The following CALN1 variants were observed in gnomAD, a reference collection of about 807,000 sequenced individuals.
CALN1 encodes the protein calcium-binding protein 8.
A neutral mutation model predicts 30.6 loss-of-function variants in CALN1; 17 were observed. The observed-to-expected ratio is 0.56, with a 90% CI of 0.38 to 0.83. The LOEUF (loss-of-function observed/expected upper bound fraction) is 0.83, where lower values mean the gene tolerates loss of function less well. Among genes scored for constraint, CALN1 ranks in the 40% least tolerant of loss-of-function variants. The pLI is 0.00. For synonymous variants in CALN1, 156 were observed against 131.4 expected, an observed-to-expected ratio of 1.19 and a Z score of -1.28; for missense variants, 291 against 354.9, an observed-to-expected ratio of 0.82 and a Z score of 1.45.
At chr7:72,341,325 C>T (rs1802372923) in intron 2 of CALN1, among the ~76,000 whole-genome samples, 1 of 152,140 alleles carries the variant, frequency 6.6e-6, no homozygotes, top group African/African-American at 2.4e-5. Flanking sequence ...GGGTTCGACA[C>T]CAGCCTGGCC....
chr7:72,228,362 C>A (rs1377026614), intron 3 of CALN1, among the ~76,000 whole-genome samples: 1 of 151,660 alleles, frequency 6.6e-6, no homozygotes, highest in East Asian at 1.9e-4. Context: ...GTCTGGCTTC[C>A]CCACTGGGTT....
At chr7:72,077,689 A>T (rs1342864865) in intron 4 of CALN1, among the ~76,000 whole-genome samples, 2 of 152,192 alleles carry the variant, frequency 1.3e-5, no homozygotes, top group Non-Finnish European at 2.9e-5. Flanking sequence ...GCAAACCAGG[A>T]TCTCACACAG....
At chr7:72,042,028 C>G (rs1002728464) in intron 4 of CALN1, among the ~76,000 whole-genome samples, 1 of 152,170 alleles carries the variant, frequency 6.6e-6, no homozygotes, top group Non-Finnish European at 1.5e-5. Flanking sequence ...CAAACTAATA[C>G]AGAGTAGCAA....
chr7:71,853,929 G>A (rs184250220), intron 5 of CALN1, among the ~76,000 whole-genome samples: 24 of 152,154 alleles, frequency 1.6e-4, no homozygotes, highest in Admixed American at 1.5e-3. Flanking sequence ...TTAATGGTTC[G>A]TGATTTTCAT....
chr7:72,410,220 G>A lies in CALN1; in HGVS notation c.-74+1838C>T, dbSNP rs181656392. 2.3e-4 allele frequency among the ~76,000 whole-genome samples: 35 copies of A among 152,308 alleles called. 1 individual carries two copies. The highest frequency in any genetic ancestry group is 3.4e-3 in the Middle Eastern group (1 of 294). The stretch of plus-strand genomic sequence containing the variant: ...GCCTGGAGCTCTTAAATATGTAAGA[G>A]AGGTTGTCAAATCTACTTAACTGCT... On this transcript the variant is annotated intron_variant, in intron 1 of 6. Coordinates refer to ENST00000395275, the MANE Select transcript of CALN1 (RefSeq NM_031468.4).
chr7:71,885,160 T>G (rs1792824127), intron 5 of CALN1, among the ~76,000 whole-genome samples: 1 of 152,186 alleles, frequency 6.6e-6, no homozygotes, highest in African/African-American at 2.4e-5. Flanking sequence ...ATTTCTTTTT[T>G]CTTTTTTTTG....
At chr7:71,984,906 C>T (rs1203922857) in intron 5 of CALN1, among the ~76,000 whole-genome samples, 3 of 152,178 alleles carry the variant, frequency 2.0e-5, no homozygotes, top group African/African-American at 7.2e-5. Context: ...TCATTCATTA[C>T]TGCCCAGATT....
At chr7:72,079,534 A>C (rs1419927365) in intron 4 of CALN1, among the ~76,000 whole-genome samples, 2 of 152,154 alleles carry the variant, frequency 1.3e-5, no homozygotes, top group Non-Finnish European at 2.9e-5. Flanking sequence ...AAGTAATGGC[A>C]AAAACCGCAA....
At chr7:72,292,770 G>C (rs147402685) in intron 2 of CALN1, among the ~76,000 whole-genome samples, 3 of 136,680 alleles carry the variant, frequency 2.2e-5, no homozygotes, top group Admixed American at 8.0e-5. Context: ...ACAGTGAGCC[G>C]AGATCGCGCC....
intron 5 of CALN1, among the ~76,000 whole-genome samples, chr7:71,943,955 G>GGTA (rs1796268133): frequency 6.6e-6 from 1 of 152,144 alleles, no homozygotes; most frequent in Non-Finnish European, 1.5e-5. Context: ...ATGGGCTTAT[G>GGTA]GTAAGGGTGT....
intron 5 of CALN1, among the ~76,000 whole-genome samples, chr7:71,895,982 A>G (rs1281269469): frequency 6.6e-6 from 1 of 152,202 alleles, no homozygotes; most frequent in Non-Finnish European, 1.5e-5. Flanking sequence ...AAGTATCTTA[A>G]TGTGCTTATT....
At chr7:72,143,787 C>T (rs1810137318) in intron 3 of CALN1, among the ~76,000 whole-genome samples, 1 of 152,208 alleles carries the variant, frequency 6.6e-6, no homozygotes, top group African/African-American at 2.4e-5. Context: ...TCGGCAGAAA[C>T]TCTACAAGCC....
chr7:72,054,480 CATAT>C lies in CALN1; in HGVS notation c.389-30715_389-30712del, dbSNP rs142217256. ...ATACATATATATACATATATACATA[CATAT>C]ATATATACATATATACATATATATA... On this transcript the variant is annotated intron_variant, in intron 4 of 6. Coordinates refer to ENST00000395275, the MANE Select transcript of CALN1 (RefSeq NM_031468.4). 9.7e-3 allele frequency among the ~76,000 whole-genome samples: 715 copies of C among 73,616 alleles called. 50 individuals carry two copies. The highest frequency in any genetic ancestry group is 0.042 in the African/African-American group (672 of 15,940). 48.3% of individuals were successfully genotyped at this position (73,616 alleles called of 152,430 possible).
At chr7:72,148,029 C>T (rs923363768) in intron 3 of CALN1, among the ~76,000 whole-genome samples, 8 of 145,924 alleles carry the variant, frequency 5.5e-5, no homozygotes, top group African/African-American at 2.0e-4. Context: ...CAACATGGCA[C>T]ATGTATACAT....
intron 3 of CALN1, among the ~76,000 whole-genome samples, chr7:72,118,694 T>C (rs777693320): frequency 2.4e-4 from 23 of 95,248 alleles, no homozygotes; most frequent in Admixed American, 1.2e-3. Flanking sequence ...GGATGAGATT[T>C]AAATATGTAT....
intron 2 of CALN1, among the ~76,000 whole-genome samples, chr7:72,367,347 T>A (rs1352389210): frequency 1.3e-5 from 2 of 150,386 alleles, no homozygotes; most frequent in East Asian, 4.0e-4. Flanking sequence ...TAGCTGGGAG[T>A]GTTGGCATGC....
the CALN1 span, among the ~76,000 whole-genome samples, chr7:72,494,479 C>G: frequency 1.3e-5 from 2 of 152,216 alleles, no homozygotes; most frequent in Non-Finnish European, 2.9e-5. Flanking sequence ...CCAAGTGCTC[C>G]TTGTTAGAGA....
chr7:71,913,377 C>G (rs928511982), intron 5 of CALN1, among the ~76,000 whole-genome samples: 5 of 152,094 alleles, frequency 3.3e-5, no homozygotes, highest in Non-Finnish European at 7.4e-5. Flanking sequence ...GCAAATTCTT[C>G]AAAAGATCAG....
chr7:72,066,509 T>C (rs1804031563), intron 4 of CALN1, among the ~76,000 whole-genome samples: 1 of 152,172 alleles, frequency 6.6e-6, no homozygotes, highest in Non-Finnish European at 1.5e-5. Context: ...TTTTTTTTGA[T>C]AAAAGTGAAT....
Sources: allele counts gnomAD v4.1 joint callset (sites outside exome capture counted in the v4.1 genomes callset), GRCh38; gene constraint gnomAD v4.1.1; transcripts MANE v1.5; gene names NCBI Gene and HGNC (gene_info 2026-07-23, HGNC 2026-07-21).